LRBA: variants seen among roughly 807,000 people sequenced by gnomAD.
LRBA encodes the protein LPS responsive beige-like anchor protein.
In LRBA, 176 loss-of-function variants were observed where a neutral mutation model predicts 330.0. The ratio of observed to expected loss-of-function variants is 0.53; its 90% CI spans 0.47 to 0.60. LRBA has a LOEUF of 0.60. Ranked by LOEUF, LRBA falls within the 20% of genes least tolerant of loss-of-function variation. The pLI, the probability that LRBA is intolerant of heterozygous loss-of-function variation, is 0.00. For synonymous variants in LRBA, 1,230 were observed against 1,193.0 expected, an observed-to-expected ratio of 1.03 and a Z score of -0.64; for missense variants, 3,259 against 3,444.8, an observed-to-expected ratio of 0.95 and a Z score of 1.35.
At chr4:150,592,344 C>T (rs931759835) in intron 38 of LRBA, among the ~76,000 whole-genome samples, 5 of 151,224 alleles carry the variant, frequency 3.3e-5, no homozygotes, top group Middle Eastern at 3.4e-3. Flanking sequence ...TTGATAAGTA[C>T]GTTTACGGAT....
At chr4:150,326,363 T>G (rs1233095186) in intron 48 of LRBA, among the ~76,000 whole-genome samples, 1 of 152,212 alleles carries the variant, frequency 6.6e-6, no homozygotes, top group East Asian at 1.9e-4. Flanking sequence ...TGATGCTATA[T>G]TAATTTTGCC....
chr4:150,632,517 C>T (rs927591562), intron 37 of LRBA, among the ~76,000 whole-genome samples: 1 of 152,130 alleles, frequency 6.6e-6, no homozygotes, highest in Non-Finnish European at 1.5e-5. Context: ...CAAAAGAGAA[C>T]TAGAAGCAAA....
At chr4:150,396,604 A>C (rs1744769470) in intron 47 of LRBA, among the ~76,000 whole-genome samples, 1 of 152,146 alleles carries the variant, frequency 6.6e-6, no homozygotes, top group Admixed American at 6.5e-5. Context: ...TCTACAGGGA[A>C]AAGCTATTGA....
At chr4:150,432,604 C>T (rs565689349) in intron 46 of LRBA, among the ~76,000 whole-genome samples, 22 of 151,542 alleles carry the variant, frequency 1.5e-4, no homozygotes, top group Non-Finnish European at 2.5e-4. Flanking sequence ...ACTACAGGTG[C>T]CTGCCACATT....
chr4:150,612,214 G>A (rs752894621), intron 37 of LRBA, among the ~76,000 whole-genome samples: 16 of 151,968 alleles, frequency 1.1e-4, no homozygotes, highest in Non-Finnish European at 2.4e-4. Context: ...CAAAAAAAAA[G>A]TCACCCTCCA....
chr4:150,495,268 C>G (rs1187392647), intron 40 of LRBA, among the ~76,000 whole-genome samples: 2 of 152,058 alleles, frequency 1.3e-5, no homozygotes, highest in Admixed American at 1.3e-4. Flanking sequence ...AAATAACATA[C>G]CACATCACTT....
chr4:150,798,724 C>T lies in LRBA; in HGVS notation c.5519-582G>A, dbSNP rs572569152. Among the ~76,000 whole-genome samples the T allele has an allele frequency of 1.4e-4, 22 of 152,014 alleles. No individual in the cohort carries two copies. The South Asian group carries it at 4.4e-3, about 30-fold the overall frequency. ...TACTTTTATGTTTCATTTTGGTTCA[C>T]CAAAAATATCTTTAGAATGGATATT... On this transcript the variant is annotated intron_variant, in intron 33 of 56. Coordinates refer to ENST00000651943, the MANE Select transcript of LRBA (RefSeq NM_001364905.1).
chr4:150,597,147 C>A (rs773733912), intron 38 of LRBA: 4 of 1,103,354 alleles, frequency 3.6e-6, no homozygotes, highest in Non-Finnish European at 5.3e-6. Context: ...TTGGATTAAC[C>A]TTTCAATTAC....
intron 37 of LRBA, among the ~76,000 whole-genome samples, chr4:150,599,994 C>T (rs927602896): frequency 6.6e-6 from 1 of 151,896 alleles, no homozygotes; most frequent in African/African-American, 2.4e-5. Flanking sequence ...AAAAGGTTTG[C>T]TCATTTCAAA....
At chr4:151,009,309 G>A (rs1028720641) in intron 2 of LRBA, among the ~76,000 whole-genome samples, 1 of 151,720 alleles carries the variant, frequency 6.6e-6, no homozygotes, top group African/African-American at 2.4e-5. Context: ...GCATTTTCAG[G>A]AAGCCAAGGC....
In LRBA at chr4:150,804,940, G is replaced by C. The variant is rs1003034160; in HGVS notation, c.5518+1331C>G. The stretch of plus-strand genomic sequence containing the variant: ...AGCCTACACAACAAAGCAAGACTCT[G>C]TCTCTTCAAAAACAAAATAAAATAA... On this transcript the variant is annotated intron_variant, in intron 33 of 56. Transcript: ENST00000651943. 1.4e-4 allele frequency among the ~76,000 whole-genome samples: 21 copies of C among 151,988 alleles called. 1 individual carries two copies. Among genetic ancestry groups the C allele is most frequent in the Non-Finnish European group, 7.4e-5 (5 of 68,002 alleles).
intron 46 of LRBA, 133 bp downstream of exon 46, chr4:150,435,456 A>G (rs2151993110): frequency 1.3e-6 from 1 of 752,860 alleles, no homozygotes; most frequent in East Asian, 2.7e-5. Flanking sequence ...ATTCTTGGCC[A>G]TTTAATTAAG....
At chr4:150,890,088 G>A (rs542202983) in intron 17 of LRBA, among the ~76,000 whole-genome samples, 1 of 152,264 alleles carries the variant, frequency 6.6e-6, no homozygotes, top group Admixed American at 6.5e-5. Flanking sequence ...ACAAGAACGT[G>A]CTCTAAAATA....
At chr4:150,318,692 T>C (rs1054963856) in intron 50 of LRBA, among the ~76,000 whole-genome samples, 21 of 152,314 alleles carry the variant, frequency 1.4e-4, no homozygotes, top group African/African-American at 4.8e-4. Flanking sequence ...CTGCCTGTGG[T>C]GTATTCCCAT....
At chr4:150,822,397 A>G (rs1745571345) in intron 30 of LRBA, among the ~76,000 whole-genome samples, 1 of 152,244 alleles carries the variant, frequency 6.6e-6, no homozygotes, top group African/African-American at 2.4e-5. Flanking sequence ...ATATTAACAT[A>G]TATTAAATTT....
At chr4:150,478,168 A>T (rs1756926154) in intron 42 of LRBA, among the ~76,000 whole-genome samples, 1 of 151,972 alleles carries the variant, frequency 6.6e-6, no homozygotes, top group South Asian at 2.1e-4. Context: ...ATGGCTTCAA[A>T]TTTCATCTAC....
rs1477936014 is a variant in LRBA at position 150,735,195 on chromosome 4, A to C, written c.5754+63T>G. The stretch of plus-strand genomic sequence containing the variant: ...TTTGGACCTGCCATTTTACCGGGAC[A>C]ATTTCTCATGATTATCATTAAAAAA... On this transcript the variant is annotated intron_variant, in intron 36 of 56. Transcript: ENST00000651943. The C allele has an allele frequency of 2.5e-6, 3 of 1,213,794 alleles. No homozygotes were observed. In the African/African-American group the frequency reaches 4.5e-5, roughly 18 times the overall value. 75.2% of individuals were successfully genotyped at this position (1,213,794 alleles called of 1,614,324 possible).
intron 16 of LRBA, among the ~76,000 whole-genome samples, chr4:150,894,076 T>C (rs904813511): frequency 3.3e-5 from 5 of 152,182 alleles, no homozygotes; most frequent in Non-Finnish European, 5.9e-5. Context: ...ATATCCAACA[T>C]GACTTTTTTT....
chr4:150,472,398 T>C (rs1561225878), intron 42 of LRBA, among the ~76,000 whole-genome samples: 1 of 152,084 alleles, frequency 6.6e-6, no homozygotes, highest in Non-Finnish European at 1.5e-5. Flanking sequence ...GCTGTCACAG[T>C]TCTTTCTACC....
Sources: gnomAD v4.1 joint callset for allele counts (sites outside exome capture counted in the v4.1 genomes callset) on GRCh38, gnomAD v4.1.1 for gene constraint, MANE v1.5 for transcripts, NCBI Gene and HGNC (gene_info 2026-07-23, HGNC 2026-07-21) for gene names.